SNRK: variants seen among roughly 807,000 people sequenced by gnomAD.
SNRK encodes the protein SNF related kinase.
A neutral mutation model predicts 48.2 loss-of-function variants in SNRK; 3 were observed. The observed-to-expected ratio is 0.06, with a 90% CI of 0.03 to 0.16. SNRK has a LOEUF of 0.16. Ranked by LOEUF, SNRK falls within the 10% of genes least tolerant of loss-of-function variation. SNRK has a pLI of 1.00. For missense variants in SNRK, 627 were observed against 976.0 expected (o/e 0.64, Z 4.76); for synonymous variants, 376 against 366.1 (o/e 1.03, Z -0.31).
chr3:43,344,685 T>A (rs1377236792), intron 6 of SNRK, among the ~76,000 whole-genome samples: 1 of 152,054 alleles, frequency 6.6e-6, no homozygotes, highest in East Asian at 1.9e-4. Flanking sequence ...CTAGGCACAC[T>A]GTCTAGTGTC....
At chr3:43,309,078 A>T (rs1181576701) in intron 3 of SNRK, among the ~76,000 whole-genome samples, 1 of 152,214 alleles carries the variant, frequency 6.6e-6, no homozygotes, top group Non-Finnish European at 1.5e-5. Flanking sequence ...TGAAGATATG[A>T]TTGAATTGCT....
intron 1 of SNRK, among the ~76,000 whole-genome samples, chr3:43,298,335 G>T (rs1387288854): frequency 1.3e-5 from 2 of 152,114 alleles, no homozygotes; most frequent in African/African-American, 4.8e-5. Flanking sequence ...AACAGGGGCT[G>T]CTGGAAAAAG....
At chr3:43,305,612 A>C (rs998330444) in intron 3 of SNRK, among the ~76,000 whole-genome samples, 2 of 150,582 alleles carry the variant, frequency 1.3e-5, no homozygotes, top group Non-Finnish European at 2.9e-5. Context: ...CCTCCCGAGT[A>C]GCTGGGACTA....
intron 3 of SNRK, among the ~76,000 whole-genome samples, chr3:43,326,473 A>AC (rs1669871338): frequency 6.6e-6 from 1 of 151,992 alleles, no homozygotes; most frequent in African/African-American, 2.4e-5. Context: ...AGAAGGCCCT[A>AC]TTCTGTGCTC....
intron 2 of SNRK, among the ~76,000 whole-genome samples, chr3:43,300,650 C>G (rs933427105): frequency 6.7e-6 from 1 of 148,566 alleles, no homozygotes; most frequent in African/African-American, 2.6e-5. Flanking sequence ...TAAATATACC[C>G]AAATTAAAAT....
chr3:43,291,996 A>G (rs1322051266), intron 1 of SNRK, among the ~76,000 whole-genome samples: 1 of 152,252 alleles, frequency 6.6e-6, no homozygotes, highest in East Asian at 1.9e-4. Flanking sequence ...TAAATGATAT[A>G]ATGTAAAAAG....
At position 43,336,828 on chromosome 3, in the gene SNRK, T is replaced by G. The variant is rs539794330; in HGVS notation, c.732-3459T>G. On this transcript the variant is annotated intron_variant, in intron 4 of 6. Transcript: ENST00000296088. ...GTGCAGTGGTGTGATCTCGGCTTGC[T>G]GCAAGCTCTGCCTCCCAGGTTCAAG... Among the ~76,000 whole-genome samples, 24 of 151,872 alleles carry G rather than the reference T, an allele frequency of 1.6e-4. No individual in the cohort carries two copies. The East Asian group carries it at 4.7e-3, about 30-fold the overall frequency.
At chr3:43,297,724 G>C (rs2090867407) in intron 1 of SNRK, among the ~76,000 whole-genome samples, 1 of 151,900 alleles carries the variant, frequency 6.6e-6, no homozygotes, top group African/African-American at 2.4e-5. Flanking sequence ...GGAGTATTAA[G>C]TCCTTTTTGA....
Position 43,343,419 on chromosome 3 carries a change from G to A in SNRK, c.1020G>A (p.Lys340=). 2 of 1,613,956 alleles carry A rather than the reference G, an allele frequency of 1.2e-6. No homozygotes were observed. Among genetic ancestry groups the A allele is most frequent in the Non-Finnish European group, 1.7e-6 (2 of 1,179,990 alleles). Residue 340 remains lysine, a synonymous_variant, in exon 6 of 7, where the codon AAG becomes AAA. Coordinates refer to ENST00000296088, the MANE Select transcript of SNRK (RefSeq NM_017719.5). ...FLLAERILRE[K]QEKEIQTRSA... ...TGGCTGAAAGGATCCTGAGAGAAAA[G>A]CAAGAGAAAGAAATACAGACCAGAT...
intron 3 of SNRK, among the ~76,000 whole-genome samples, chr3:43,329,546 G>A (rs1313597824): frequency 2.0e-5 from 3 of 152,130 alleles, no homozygotes; most frequent in Non-Finnish European, 4.4e-5. Context: ...TAGTTACCCT[G>A]CTGTTCTTTT....
intron 1 of SNRK, among the ~76,000 whole-genome samples, chr3:43,290,606 A>C (rs1450656657): frequency 6.6e-6 from 1 of 152,148 alleles, no homozygotes; most frequent in Admixed American, 6.5e-5. Flanking sequence ...TAAGTAATTT[A>C]CCTGGAGACA....
Position 43,340,516 on chromosome 3 carries a change from C to T in SNRK, c.944+17C>T. On this transcript the variant is annotated intron_variant, in intron 5 of 6. Transcript: ENST00000296088. ...CATTGTAGAGTACGTCAATGCCCGTCAGTACAGAGGGCCACAGGTTTAGGA... is the reference window on the plus strand; with the variant it reads ...CATTGTAGAGTACGTCAATGCCCGTTAGTACAGAGGGCCACAGGTTTAGGA... The T allele has an allele frequency of 6.2e-7, 1 of 1,606,206 alleles. No homozygotes were observed.
chr3:43,342,387 C>G (rs1393515513), intron 5 of SNRK, among the ~76,000 whole-genome samples: 2 of 152,216 alleles, frequency 1.3e-5, no homozygotes, highest in Admixed American at 1.3e-4. Flanking sequence ...CCCAAGCCAA[C>G]TCCTGTATTT....
intron 2 of SNRK, among the ~76,000 whole-genome samples, 198 bp from the exon 3 acceptor site, chr3:43,302,900 A>G (rs1483406630): frequency 1.3e-5 from 2 of 152,114 alleles, no homozygotes; most frequent in Non-Finnish European, 2.9e-5. Flanking sequence ...AAAACTTGAT[A>G]TGGTATTTAA....
In SNRK at chr3:43,340,480, G is replaced by T; in HGVS notation, c.925G>T (p.Asp309Tyr). 6.2e-7 allele frequency: 1 copy of T among 1,614,176 alleles called. No homozygotes were observed. The highest frequency in any genetic ancestry group is 8.5e-7 in the Non-Finnish European group (1 of 1,180,020). Residue 309 changes from aspartate to tyrosine, a missense_variant, in exon 5 of 7, where the codon GAT (aspartate) becomes TAT (tyrosine). Physicochemically the swap from Asp to Tyr is radical, Grantham distance 160. Transcript: ENST00000296088. ...IQRMVLGDIA[D>Y]RDAIVEALET... is the part of the protein sequence containing the mutation. ...GCGCATGGTGCTTGGGGACATAGCG[G>T]ATCGAGACGCCATTGTAGAGTACGT...
At chr3:43,343,599 C>T in intron 6 of SNRK, 121 bp downstream of exon 6, 1 of 1,112,060 alleles carries the variant, frequency 9.0e-7, no homozygotes, top group Non-Finnish European at 1.3e-6. Context: ...TGATGACGGC[C>T]TCATTGGAGA....
At chr3:43,309,815 T>G (rs760740074) in intron 3 of SNRK, among the ~76,000 whole-genome samples, 7 of 152,072 alleles carry the variant, frequency 4.6e-5, no homozygotes, top group African/African-American at 1.7e-4. Context: ...AGAGTCTTAC[T>G]ATGTTGCCTG....
At chr3:43,339,819 AT>A (rs1343562356) in intron 4 of SNRK, among the ~76,000 whole-genome samples, 78 of 1,452 alleles carry the variant, frequency 0.054, no homozygotes, top group Non-Finnish European at 0.085. Context: ...CATTTCCAAA[AT>A]ATATATATAT....
At chr3:43,343,868 TGAAGTA>T (rs1443187875) in intron 6 of SNRK, among the ~76,000 whole-genome samples, 1 of 152,216 alleles carries the variant, frequency 6.6e-6, no homozygotes, top group Non-Finnish European at 1.5e-5. Flanking sequence ...CTCAGTTATT[TGAAGTA>T]ATTTTTAAAA....
Sources: allele counts gnomAD v4.1 joint callset (sites outside exome capture counted in the v4.1 genomes callset), GRCh38; gene constraint gnomAD v4.1.1; transcripts MANE v1.5; gene names NCBI Gene and HGNC (gene_info 2026-07-23, HGNC 2026-07-21).